TRMT10B: variants seen among roughly 807,000 people sequenced by gnomAD.
TRMT10B encodes the protein tRNA methyltransferase 10B, also known as tRNA methyltransferase 10 homolog B.
A neutral mutation model predicts 43.8 loss-of-function variants in TRMT10B; 33 were observed. That is an observed-to-expected ratio of 0.75 (90% CI 0.57 to 1.01). The LOEUF (loss-of-function observed/expected upper bound fraction) is 1.01. Ranked by LOEUF, TRMT10B falls within the 50% of genes least tolerant of loss-of-function variation. TRMT10B has a pLI of 0.00. For missense variants in TRMT10B, 362 were observed against 369.8 expected (o/e 0.98, Z 0.17); for synonymous variants, 137 against 130.6 (o/e 1.05, Z -0.34).
intron 7 of TRMT10B, among the ~76,000 whole-genome samples, chr9:37,773,541 A>C (rs970332097): frequency 6.6e-6 from 1 of 152,234 alleles, no homozygotes; most frequent in African/African-American, 2.4e-5. Context: ...AATACTTCAA[A>C]GTAAAAAGTT....
At chr9:37,772,054 C>T (rs1203289507) in intron 7 of TRMT10B, among the ~76,000 whole-genome samples, 9 of 152,126 alleles carry the variant, frequency 5.9e-5, no homozygotes, top group Non-Finnish European at 1.3e-4. Context: ...CTCTGTTGCC[C>T]AGGCTGGAGT....
rs564523300 is a variant in TRMT10B at position 37,761,400 on chromosome 9, C to CT, written c.-29-502dup. 7.2e-5 allele frequency among the ~76,000 whole-genome samples: 11 copies of CT among 152,272 alleles called. No homozygotes were observed. The South Asian group carries it at 2.3e-3, about 32-fold the overall frequency. ...AGACGTCAGGTGTTGTGCATGTCCTCTAAGAAGTGTATCTGGGGCTGGGTG... is the reference window on the plus strand; with the variant it reads ...AGACGTCAGGTGTTGTGCATGTCCTCTTAAGAAGTGTATCTGGGGCTGGGTG... On this transcript the variant is annotated intron_variant, in intron 1 of 8. Coordinates refer to ENST00000297994, the MANE Select transcript of TRMT10B (RefSeq NM_144964.4).
At chr9:37,753,089 C>T (rs1391193518), upstream of TRMT10B, among the ~76,000 whole-genome samples, 1 of 152,076 alleles carries the variant, frequency 6.6e-6, no homozygotes, top group Non-Finnish European at 1.5e-5. Context: ...GGAACAACTC[C>T]AGGTGTGCCC....
chr9:37,755,054 A>G (rs1003649710), intron 1 of TRMT10B, among the ~76,000 whole-genome samples: 11 of 152,056 alleles, frequency 7.2e-5, no homozygotes, highest in South Asian at 2.1e-4. Context: ...GTGGGTCGCG[A>G]GGTCAGGAGA....
At chr9:37,770,809 TTA>T in intron 7 of TRMT10B, 70 bp downstream of exon 7, 3 of 1,526,826 alleles carry the variant, frequency 2.0e-6, no homozygotes, top group Non-Finnish European at 2.7e-6. Flanking sequence ...ATGTGCCCTG[TTA>T]TAGTCTCCTC....
At chr9:37,768,816 T>G (rs1827248060) in intron 5 of TRMT10B, among the ~76,000 whole-genome samples, 1 of 152,164 alleles carries the variant, frequency 6.6e-6, no homozygotes, top group African/African-American at 2.4e-5. Context: ...CAGCCAGCTG[T>G]TTTGCTGTTA....
chr9:37,770,948 C>T (rs1827509936), intron 7 of TRMT10B, among the ~76,000 whole-genome samples: 1 of 152,250 alleles, frequency 6.6e-6, no homozygotes, highest in Non-Finnish European at 1.5e-5. Flanking sequence ...GGGAACTGGA[C>T]TGGGCACTGT....
In TRMT10B at chr9:37,761,905, T is replaced by G; in HGVS notation, c.-27T>G. On this transcript the variant is annotated splice_region_variant and 5_prime_UTR_variant, in exon 2 of 9. Coordinates refer to ENST00000297994, the MANE Select transcript of TRMT10B (RefSeq NM_144964.4). The stretch of plus-strand genomic sequence containing the variant: ...CACATAATTGTGCCTTTTTCCAGTC[T>G]GGTGGAAAGGACAGAGGACTAAGTC... 6.3e-7 allele frequency: 1 copy of G among 1,582,878 alleles called. No individual in the cohort carries two copies. The highest frequency in any genetic ancestry group is 8.6e-7 in the Non-Finnish European group (1 of 1,159,240).
At chr9:37,774,928 A>T (rs1200402741) in intron 7 of TRMT10B, among the ~76,000 whole-genome samples, 1 of 152,220 alleles carries the variant, frequency 6.6e-6, no homozygotes, top group Non-Finnish European at 1.5e-5. Flanking sequence ...AGAAGAGTTG[A>T]CAGAACTGAG....
intron 7 of TRMT10B, among the ~76,000 whole-genome samples, chr9:37,771,653 G>T (rs752851358): frequency 5.3e-5 from 8 of 152,212 alleles, no homozygotes; most frequent in Non-Finnish European, 1.2e-4. Flanking sequence ...TCATCATTTT[G>T]TCACTCCTAA....
intron 1 of TRMT10B, among the ~76,000 whole-genome samples, chr9:37,756,777 T>TACAC (rs1825745847): frequency 6.6e-6 from 1 of 150,792 alleles, no homozygotes; most frequent in African/African-American, 2.4e-5. Context: ...CATATATACA[T>TACAC]ATGTGTATAC....
rs1827480775 is a variant in TRMT10B at position 37,770,711 on chromosome 9, G to A, written c.692G>A (p.Gly231Asp). The A allele has an allele frequency of 1.9e-6, 3 of 1,613,856 alleles. No homozygotes were observed. Among genetic ancestry groups the A allele is most frequent in the East Asian group, 2.2e-5 (1 of 44,870 alleles). ...GATCTAAACAAAGTTTACATCCTCG[G>A]TGGGCTTGTGGATGAAAGCATTCAG... ...DVDLNKVYIL[G>D]GLVDESIQKK... The change falls in exon 7 of 9, where the codon GGT becomes GAT. Residue 231 changes from glycine (G) to aspartate (D), a missense_variant. By Grantham distance (94) the Gly-to-Asp change is moderately conservative (BLOSUM62 -1). Transcript: ENST00000297994.
intron 1 of TRMT10B, among the ~76,000 whole-genome samples, chr9:37,757,625 A>G (rs1387246995): frequency 1.3e-5 from 2 of 152,256 alleles, no homozygotes; most frequent in African/African-American, 4.8e-5. Context: ...ACATGTTCAC[A>G]TGATAAGTCA....
chr9:37,762,105 G>A lies in TRMT10B; in HGVS notation c.174G>A (p.Thr58=), dbSNP rs370368062. 3.0e-5 allele frequency: 48 copies of A among 1,613,360 alleles called. No homozygotes were observed. Among genetic ancestry groups the A allele is most frequent in the African/African-American group, 8.0e-5 (6 of 74,920 alleles). Residue 58 remains threonine (T), a synonymous_variant, in exon 2 of 9, where the codon ACG becomes ACA. Transcript: ENST00000297994. ...QEGEILATGS[T]AWCSKNVQRK... ...GAGAGATCCTGGCCACAGGCAGTAC[G>A]GCATGGTGCTCGGTGAGTGCGTGAA...
At chr9:37,757,996 A>G (rs1189010470) in intron 1 of TRMT10B, among the ~76,000 whole-genome samples, 1 of 152,224 alleles carries the variant, frequency 6.6e-6, no homozygotes. Context: ...GAGTACAAGA[A>G]AAGCAATATG....
chr9:37,763,828 A>C, intron 4 of TRMT10B, 75 bp downstream of exon 4: 2 of 1,610,086 alleles, frequency 1.2e-6, no homozygotes, highest in Non-Finnish European at 1.7e-6. Flanking sequence ...TCCGAAGAAT[A>C]TGGTCAACTC....
At chr9:37,771,222 TTAAGA>T (rs1364624191) in intron 7 of TRMT10B, among the ~76,000 whole-genome samples, 3 of 152,310 alleles carry the variant, frequency 2.0e-5, no homozygotes, top group Non-Finnish European at 2.9e-5. Flanking sequence ...ATATAGCTGT[TTAAGA>T]TAATTGTTTA....
rs906350513 is a variant in TRMT10B, at chr9:37,777,895, C to T, written c.*188C>T. 17 of 450,408 alleles carry T rather than the reference C, an allele frequency of 3.8e-5. No homozygotes were observed. Among genetic ancestry groups the T allele is most frequent in the South Asian group, 1.8e-4 (8 of 43,960 alleles). The allele number at this position is 450,408 out of a possible 1,614,324, so 27.9% of individuals were successfully genotyped here. On this transcript the variant is annotated 3_prime_UTR_variant, in exon 9 of 9. Transcript: ENST00000297994. ...TGGCGCATACCTGTAGTCCCAGCTA[C>T]TTGGGAGGCTGAGGCAGGAGAATCA...
chr9:37,762,507 T>C (rs1036232935), intron 2 of TRMT10B, 70 bp from the exon 3 acceptor site: 1 of 1,510,376 alleles, frequency 6.6e-7, no homozygotes, highest in Non-Finnish European at 8.8e-7. Flanking sequence ...AGCAAATGTT[T>C]CTAATGTTCA....
Sources: allele counts gnomAD v4.1 joint callset (sites outside exome capture counted in the v4.1 genomes callset), GRCh38; gene constraint gnomAD v4.1.1; transcripts MANE v1.5; gene names NCBI Gene and HGNC (gene_info 2026-07-23, HGNC 2026-07-21).